ZNF367: variants seen among roughly 807,000 people sequenced by gnomAD.
ZNF367 encodes zinc finger protein 367.
In ZNF367, 11 loss-of-function variants were observed where a neutral mutation model predicts 31.8. The ratio of observed to expected loss-of-function variants is 0.35; its 90% CI spans 0.22 to 0.57. The LOEUF is 0.57. ZNF367 is among the 20% of genes least tolerant of loss of function. The pLI, the probability that ZNF367 is intolerant of heterozygous loss-of-function variation, is 0.85. For missense variants in ZNF367, 353 were observed against 484.1 expected, an observed-to-expected ratio of 0.73 and a Z score of 2.54; for synonymous variants, 199 against 202.4, an observed-to-expected ratio of 0.98 and a Z score of 0.14.
chr9:96,401,042 G>A (rs573006219), intron 1 of ZNF367, among the ~76,000 whole-genome samples: 6 of 152,088 alleles, frequency 3.9e-5, no homozygotes, highest in East Asian at 1.9e-4. Context: ...CCTGGGAAAC[G>A]TAAGGAGACC....
At chr9:96,409,592 T>C (rs1408539121) in intron 1 of ZNF367, among the ~76,000 whole-genome samples, 1 of 152,252 alleles carries the variant, frequency 6.6e-6, no homozygotes. Flanking sequence ...TTCCCATGCA[T>C]AATGAAACAG....
intron 1 of ZNF367, among the ~76,000 whole-genome samples, chr9:96,402,415 G>T (rs990532056): frequency 1.3e-5 from 2 of 148,662 alleles, no homozygotes; most frequent in East Asian, 3.9e-4. Flanking sequence ...TGGAGTCTTC[G>T]ATACCCTACT....
chr9:96,411,886 G>T (rs1831756116), intron 1 of ZNF367, among the ~76,000 whole-genome samples: 1 of 152,094 alleles, frequency 6.6e-6, no homozygotes, highest in Non-Finnish European at 1.5e-5. Flanking sequence ...AGAGTACAGT[G>T]GCATGATCTC....
chr9:96,390,422 A>G (rs1381289706), intron 4 of ZNF367, among the ~76,000 whole-genome samples: 1 of 152,170 alleles, frequency 6.6e-6, no homozygotes, highest in African/African-American at 2.4e-5. Context: ...GTAAGGAAGG[A>G]CTTTGAATTC....
At chr9:96,389,486 C>T (rs1647996149) in intron 4 of ZNF367, among the ~76,000 whole-genome samples, 1 of 150,924 alleles carries the variant, frequency 6.6e-6, no homozygotes, top group Admixed American at 6.6e-5. Flanking sequence ...ATAGTGACAG[C>T]AGATCAGTGT....
intron 1 of ZNF367, among the ~76,000 whole-genome samples, chr9:96,416,824 T>C (rs533500926): frequency 9.8e-4 from 149 of 152,334 alleles, no homozygotes; most frequent in African/African-American, 3.4e-3. Flanking sequence ...GCTTACAGTC[T>C]ACAGAGTTCA....
intron 1 of ZNF367, 60 bp from the exon 2 acceptor site, chr9:96,398,374 G>A (rs1057505633): frequency 1.2e-5 from 18 of 1,456,394 alleles, no homozygotes; most frequent in African/African-American, 8.6e-5. Flanking sequence ...TTAAAGCAAC[G>A]TATCATAATA....
chr9:96,406,944 G>A (rs1831677766), intron 1 of ZNF367, among the ~76,000 whole-genome samples: 1 of 135,468 alleles, frequency 7.4e-6, no homozygotes, highest in South Asian at 2.4e-4. Flanking sequence ...AGAGCTTGCA[G>A]TCAGCCGAGA....
intron 1 of ZNF367, among the ~76,000 whole-genome samples, chr9:96,404,568 G>A (rs993274168): frequency 2.0e-5 from 3 of 151,310 alleles, no homozygotes; most frequent in African/African-American, 4.9e-5. Flanking sequence ...ACTCCAGCCT[G>A]GGCAACAGAG....
chr9:96,407,895 C>T (rs757663787), intron 1 of ZNF367: 17 of 429,874 alleles, frequency 4.0e-5, no homozygotes, highest in South Asian at 8.0e-5. Flanking sequence ...CATGAGCCAC[C>T]GCGCCCGGCC....
chr9:96,390,740 T>C (rs1831462397), intron 4 of ZNF367, among the ~76,000 whole-genome samples: 1 of 151,786 alleles, frequency 6.6e-6, no homozygotes, highest in Non-Finnish European at 1.5e-5. Flanking sequence ...AAAAATTAGC[T>C]GGGCATGGTG....
intron 4 of ZNF367, among the ~76,000 whole-genome samples, chr9:96,390,613 G>A (rs13285514): frequency 0.025 from 3,858 of 152,258 alleles, 72 homozygotes; most frequent in Middle Eastern, 0.054. Flanking sequence ...GCGAGGTGCG[G>A]TGGCTCATGC....
At chr9:96,407,636 G>A (rs1587747600) in intron 1 of ZNF367, 1 of 1,445,500 alleles carries the variant, frequency 6.9e-7, no homozygotes, top group Non-Finnish European at 9.7e-7. Context: ...GCGGGAAAAT[G>A]GGAAGTCCCT....
intron 1 of ZNF367, among the ~76,000 whole-genome samples, chr9:96,399,064 G>C (rs973541234): frequency 6.6e-6 from 1 of 152,142 alleles, no homozygotes; most frequent in Non-Finnish European, 1.5e-5. Context: ...AAAGCTGGGA[G>C]AAAGTTTCTT....
chr9:96,407,849 G>A (rs1030869417), intron 1 of ZNF367: 6 of 650,772 alleles, frequency 9.2e-6, no homozygotes, highest in African/African-American at 3.8e-5. Flanking sequence ...TCTCTGATCC[G>A]CCCGCCTTAG....
intron 2 of ZNF367, among the ~76,000 whole-genome samples, chr9:96,396,530 A>G (rs563387203): frequency 6.6e-6 from 1 of 152,276 alleles, no homozygotes; most frequent in South Asian, 2.1e-4. Flanking sequence ...GAAACAGGTG[A>G]GCACCATAAA....
intron 1 of ZNF367, among the ~76,000 whole-genome samples, chr9:96,402,133 A>G (rs1280549801): frequency 6.7e-6 from 1 of 148,414 alleles, no homozygotes; most frequent in Admixed American, 6.7e-5. Flanking sequence ...GCACGCGCCT[A>G]TAGTCCCAGC....
intron 1 of ZNF367, among the ~76,000 whole-genome samples, chr9:96,402,438 TTCTTTC>T: frequency 6.9e-6 from 1 of 144,714 alleles, no homozygotes; most frequent in South Asian, 2.1e-4. Flanking sequence ...CTTTACTTCT[TTCTTTC>T]TTTTTTTTTT....
At chr9:96,395,081 T>C in intron 2 of ZNF367, 139 bp from the exon 3 acceptor site, 2 of 888,412 alleles carry the variant, frequency 2.3e-6, no homozygotes, top group Non-Finnish European at 3.3e-6. Context: ...GAGCTGCAGG[T>C]GGAAATGCTA....
Sources: gnomAD v4.1 joint callset for allele counts (sites outside exome capture counted in the v4.1 genomes callset) on GRCh38, gnomAD v4.1.1 for gene constraint, MANE v1.5 for transcripts, NCBI Gene and HGNC (gene_info 2026-07-23, HGNC 2026-07-21) for gene names.